DENND1B: variants seen among roughly 807,000 people sequenced by gnomAD.
DENND1B encodes the protein DENN domain-containing protein 1B.
Under a neutral mutation model 90.1 loss-of-function variants are expected in DENND1B, and 59 were observed. The observed-to-expected ratio is 0.65, with a 90% CI of 0.53 to 0.81. The LOEUF is 0.81. DENND1B is among the 40% of genes least tolerant of loss of function. The probability of loss-of-function intolerance (pLI) is 0.00; values close to 1 mark genes in which losing one functional copy is unlikely to be tolerated. For missense variants in DENND1B, 862 were observed against 912.6 expected (o/e 0.94, Z 0.71); for synonymous variants, 337 against 324.6 (o/e 1.04, Z -0.41).
At chr1:197,748,218 T>A (rs1309627306) in intron 2 of DENND1B, among the ~76,000 whole-genome samples, 3 of 105,680 alleles carry the variant, frequency 2.8e-5, no homozygotes, top group Non-Finnish European at 5.3e-5. Flanking sequence ...ATATTCAGCG[T>A]GTAACAAAAA....
chr1:197,611,171 C>T (rs1050441127), intron 12 of DENND1B, among the ~76,000 whole-genome samples: 1 of 150,770 alleles, frequency 6.6e-6, no homozygotes. Context: ...CAAAAAAAGA[C>T]AAATTTATCT....
At chr1:197,629,421 G>T (rs555479363) in intron 10 of DENND1B, among the ~76,000 whole-genome samples, 2 of 150,238 alleles carry the variant, frequency 1.3e-5, no homozygotes, top group South Asian at 2.1e-4. Context: ...GTAAACTATC[G>T]CAAGGACAGA....
At chr1:197,571,119 A>G (rs1673113849) in intron 15 of DENND1B, among the ~76,000 whole-genome samples, 1 of 152,092 alleles carries the variant, frequency 6.6e-6, no homozygotes, top group African/African-American at 2.4e-5. Context: ...GTTTACTACC[A>G]CCATCACTTC....
Position 197,738,747 on chromosome 1 carries a change from C to T in DENND1B, c.83-23673G>A, listed in dbSNP as rs549945432. On this transcript the variant is annotated intron_variant, in intron 2 of 22. Transcript: ENST00000620048. ...AGAAAGTACAAACTGTATTTGCTCT[C>T]TCTCTAACAACTAAAAATCTAAAAA... 5.9e-5 allele frequency among the ~76,000 whole-genome samples: 9 copies of T among 152,284 alleles called. No homozygotes were observed. In the East Asian group the frequency reaches 1.3e-3, roughly 23 times the overall value.
chr1:197,700,343 AACCTG>A (rs1483053571), intron 3 of DENND1B, among the ~76,000 whole-genome samples: 1 of 152,176 alleles, frequency 6.6e-6, no homozygotes, highest in Non-Finnish European at 1.5e-5. Context: ...ATCTTTGGCA[AACCTG>A]ACAAAAACAA....
In DENND1B at chr1:197,607,058, A is replaced by AG. The variant is rs1558299040; in HGVS notation, c.921+14dup. The AG allele has an allele frequency of 5.1e-6, 8 of 1,574,960 alleles. No homozygotes were observed. Among genetic ancestry groups the AG allele is most frequent in the Non-Finnish European group, 7.0e-6 (8 of 1,148,304 alleles). ...AAAACATATATGTTCACCACTGAAT[A>AG]GCCTTCATACTTACCACATCACTTG... On this transcript the variant is annotated intron_variant, in intron 13 of 22. Transcript: ENST00000620048.
At chr1:197,738,396 G>C (rs2102352745) in intron 2 of DENND1B, among the ~76,000 whole-genome samples, 1 of 152,266 alleles carries the variant, frequency 6.6e-6, no homozygotes, top group African/African-American at 2.4e-5. Context: ...TTATACCCAG[G>C]GTGGGTTTTC....
Position 197,506,399 on chromosome 1 carries a change from A to C in DENND1B, c.*4061T>G, listed in dbSNP as rs1346954562. On this transcript the variant is annotated 3_prime_UTR_variant, in exon 23 of 23. Transcript: ENST00000620048. ...AGGGTTTGTAAAAACTATTTCCTAC[A>C]TTAAGAAGTGCTTTGGAGGAAACTA... 6.6e-6 allele frequency: 1 copy of C among 151,598 alleles called. No homozygotes were observed. The highest frequency in any genetic ancestry group is 1.5e-5 in the Non-Finnish European group (1 of 67,644). 9.4% of individuals were successfully genotyped at this position (151,598 alleles called of 1,614,324 possible).
At chr1:197,609,345 C>G (rs1267031474) in intron 12 of DENND1B, among the ~76,000 whole-genome samples, 2 of 150,500 alleles carry the variant, frequency 1.3e-5, no homozygotes, top group Non-Finnish European at 3.0e-5. Flanking sequence ...ATAGTGGCAG[C>G]AATCACATGA....
At chr1:197,757,925 T>C (rs1654515511) in intron 2 of DENND1B, among the ~76,000 whole-genome samples, 1 of 152,234 alleles carries the variant, frequency 6.6e-6, no homozygotes, top group Non-Finnish European at 1.5e-5. Context: ...TAGCTCATCA[T>C]CATTCCTTCA....
chr1:197,725,636 GA>G (rs1025031485), intron 2 of DENND1B, among the ~76,000 whole-genome samples: 4 of 148,962 alleles, frequency 2.7e-5, no homozygotes, highest in Admixed American at 1.3e-4. Flanking sequence ...CTATAGCCTT[GA>G]AAAAAAAAGT....
At chr1:197,729,699 A>G (rs1661979443) in intron 2 of DENND1B, among the ~76,000 whole-genome samples, 1 of 152,162 alleles carries the variant, frequency 6.6e-6, no homozygotes, top group Admixed American at 6.6e-5. Context: ...GTTAGCCCCC[A>G]TAATGTACAG....
chr1:197,575,351 T>C (rs1447180370), intron 15 of DENND1B, among the ~76,000 whole-genome samples: 3 of 152,184 alleles, frequency 2.0e-5, no homozygotes, highest in Non-Finnish European at 4.4e-5. Context: ...TCACTGGTCA[T>C]CAGAGAAATG....
chr1:197,715,132 A>T (rs949595223), intron 2 of DENND1B, 58 bp from the exon 3 acceptor site: 5 of 1,447,006 alleles, frequency 3.5e-6, no homozygotes, highest in African/African-American at 2.8e-5. Flanking sequence ...TTAAAGGAAC[A>T]GTCTTGGTTA....
chr1:197,684,753 A>G (rs1458364679), intron 3 of DENND1B, among the ~76,000 whole-genome samples: 1 of 152,198 alleles, frequency 6.6e-6, no homozygotes, highest in East Asian at 1.9e-4. Flanking sequence ...CAAGTAATAG[A>G]CTTATAAATA....
intron 14 of DENND1B, 119 bp from the exon 15 acceptor site, chr1:197,583,372 C>T (rs529596441): frequency 1.3e-6 from 1 of 797,294 alleles, no homozygotes; most frequent in Non-Finnish European, 2.0e-6. Flanking sequence ...GCAACAGACC[C>T]TTCCTTACAC....
At chr1:197,581,428 T>C (rs1284206416) in intron 15 of DENND1B, among the ~76,000 whole-genome samples, 1 of 152,150 alleles carries the variant, frequency 6.6e-6, no homozygotes, top group Non-Finnish European at 1.5e-5. Flanking sequence ...TACACAGATA[T>C]GTATTTTGTT....
chr1:197,714,543 T>A (rs770610982), intron 3 of DENND1B, among the ~76,000 whole-genome samples: 2 of 152,082 alleles, frequency 1.3e-5, no homozygotes, highest in Admixed American at 1.3e-4. Context: ...AGTAAAGCTA[T>A]AGGTAAGAAC....
chr1:197,697,812 A>C (rs893900527), intron 3 of DENND1B, among the ~76,000 whole-genome samples: 6 of 151,632 alleles, frequency 4.0e-5, no homozygotes, highest in African/African-American at 1.5e-4. Flanking sequence ...AAGATCAAAA[A>C]AGACAAAGAA....
Sources: allele counts gnomAD v4.1 joint callset (sites outside exome capture counted in the v4.1 genomes callset), GRCh38; gene constraint gnomAD v4.1.1; transcripts MANE v1.5; gene names NCBI Gene and HGNC (gene_info 2026-07-23, HGNC 2026-07-21).